Variants in ANO6 observed in about 807,000 individuals in gnomAD.
ANO6 encodes the protein anoctamin 6, also known as anoctamin-6.
ANO6 carries 106 observed loss-of-function variants against 117.5 expected under a neutral mutation model. The observed-to-expected ratio is 0.90, with a 90% CI of 0.77 to 1.06. The LOEUF (loss-of-function observed/expected upper bound fraction) is 1.06. Among genes scored for constraint, ANO6 ranks in the 50% least tolerant of loss-of-function variants. The pLI is 0.00. For missense variants in ANO6, 955 were observed against 1,121.1 expected (o/e 0.85, Z 2.12); for synonymous variants, 367 against 385.1 (o/e 0.95, Z 0.55).
rs1242330284 is a variant in ANO6 at position 45,429,280 on chromosome 12, T to G, written c.2702T>G (p.Val901Gly). 1 of 1,613,608 alleles carries G rather than the reference T, an allele frequency of 6.2e-7. No homozygotes were observed. The highest frequency in any genetic ancestry group is 8.5e-7 in the Non-Finnish European group (1 of 1,179,848). Residue 901 changes from valine to glycine, a missense_variant, in exon 20 of 20, where the codon GTA becomes GGA. Physicochemically the swap from Val to Gly is moderately radical, Grantham distance 109. Coordinates refer to ENST00000320560, the MANE Select transcript of ANO6 (RefSeq NM_001025356.3). ...GVIAERMIEA[V>G]DNNLRPKSE ...ATAGCTGAGCGGATGATAGAAGCAG[T>G]AGATAACAATTTACGGCCAAAATCA...
At chr12:45,392,962 C>T (rs1237099539) in intron 12 of ANO6, among the ~76,000 whole-genome samples, 3 of 152,194 alleles carry the variant, frequency 2.0e-5, no homozygotes, top group Non-Finnish European at 4.4e-5. Context: ...CAGCTCCTCG[C>T]CAGCAACGGA....
At chr12:45,407,831 T>A (rs1471284039) in intron 15 of ANO6, among the ~76,000 whole-genome samples, 2 of 152,178 alleles carry the variant, frequency 1.3e-5, no homozygotes, top group Admixed American at 1.3e-4. Context: ...TCACCCCGTT[T>A]TATTTTTTTA....
intron 15 of ANO6, among the ~76,000 whole-genome samples, chr12:45,406,339 G>A (rs1942934540): frequency 6.6e-6 from 1 of 152,192 alleles, no homozygotes; most frequent in South Asian, 2.1e-4. Flanking sequence ...CCACCTTAGT[G>A]TTTTGATATT....
intron 3 of ANO6, among the ~76,000 whole-genome samples, chr12:45,331,768 TAAC>T (rs760199974): frequency 1.3e-5 from 2 of 152,218 alleles, no homozygotes; most frequent in African/African-American, 2.4e-5. Flanking sequence ...ACAAGTGTAA[TAAC>T]AACTAGCTTT....
At chr12:45,413,438 A>C (rs1943136639) in intron 16 of ANO6, among the ~76,000 whole-genome samples, 1 of 152,262 alleles carries the variant, frequency 6.6e-6, no homozygotes, top group African/African-American at 2.4e-5. Flanking sequence ...GGATATTTTT[A>C]GCATGAAAAC....
At chr12:45,294,920 A>G (rs1939235915) in intron 1 of ANO6, among the ~76,000 whole-genome samples, 1 of 152,232 alleles carries the variant, frequency 6.6e-6, no homozygotes, top group Non-Finnish European at 1.5e-5. Flanking sequence ...GAAGTGAAAA[A>G]TTATGATAGC....
exon 20 of ANO6, chr12:45,439,777 G>A (rs1592065435): frequency 4.5e-6 from 7 of 1,548,296 alleles, no homozygotes; most frequent in Non-Finnish European, 6.1e-6. Context: ...GTTTGTCGAT[G>A]AAATTAGACT....
intron 2 of ANO6, among the ~76,000 whole-genome samples, chr12:45,328,366 T>C (rs933002430): frequency 2.0e-4 from 30 of 152,260 alleles, no homozygotes; most frequent in South Asian, 6.2e-4. Context: ...TTCTTGGCAC[T>C]TTTTTGGCTC....
intron 1 of ANO6, among the ~76,000 whole-genome samples, chr12:45,225,549 C>A (rs1389491417): frequency 6.6e-6 from 1 of 151,574 alleles, no homozygotes; most frequent in East Asian, 1.9e-4. Context: ...AGTGCAGTGG[C>A]AAGATCTGGG....
intron 9 of ANO6, among the ~76,000 whole-genome samples, chr12:45,374,637 T>G (rs1941950897): frequency 8.1e-6 from 1 of 123,934 alleles, no homozygotes; most frequent in Non-Finnish European, 1.7e-5. Flanking sequence ...GAAAAGGCCT[T>G]TGACAAAATT....
At chr12:45,259,053 A>C (rs1937934594) in intron 1 of ANO6, among the ~76,000 whole-genome samples, 1 of 152,164 alleles carries the variant, frequency 6.6e-6, no homozygotes, top group South Asian at 2.1e-4. Context: ...CATTATTTTC[A>C]TTTAAGAGGT....
intron 3 of ANO6, among the ~76,000 whole-genome samples, chr12:45,337,352 T>C (rs1002866271): frequency 8.5e-5 from 13 of 152,086 alleles, no homozygotes; most frequent in Admixed American, 7.9e-4. Flanking sequence ...CAGCTGCCTG[T>C]GGTGTTCAGC....
chr12:45,326,923 G>A (rs1216173733), intron 2 of ANO6, among the ~76,000 whole-genome samples: 1 of 152,170 alleles, frequency 6.6e-6, no homozygotes, highest in East Asian at 1.9e-4. Context: ...CTCAGGTTGA[G>A]TGCTTACCTT....
At chr12:45,238,634 T>C (rs1030720855) in intron 1 of ANO6, among the ~76,000 whole-genome samples, 1 of 152,200 alleles carries the variant, frequency 6.6e-6, no homozygotes, top group African/African-American at 2.4e-5. Context: ...TCAAAGGGAA[T>C]GCTTCCAGTT....
chr12:45,393,686 A>G (rs1479762846), intron 12 of ANO6, among the ~76,000 whole-genome samples: 1 of 152,216 alleles, frequency 6.6e-6, no homozygotes, highest in Non-Finnish European at 1.5e-5. Context: ...GTGGGGGCCA[A>G]TATTCAACAT....
intron 1 of ANO6, among the ~76,000 whole-genome samples, chr12:45,266,805 AGT>A (rs57682251): frequency 0.44 from 63,517 of 145,440 alleles, 15,741 homozygotes; most frequent in Non-Finnish European, 0.57. Context: ...TCAAAAAACA[AGT>A]GTGTGTGTGT....
At chr12:45,262,224 A>G (rs1009205637) in intron 1 of ANO6, among the ~76,000 whole-genome samples, 1 of 152,200 alleles carries the variant, frequency 6.6e-6, no homozygotes, top group South Asian at 2.1e-4. Flanking sequence ...ATGCAAATGT[A>G]GTTTTATATG....
Position 45,431,233 on chromosome 12 carries a change from C to CTCTT in ANO6, c.*1926_*1929dup, listed in dbSNP as rs1286994833. On this transcript the variant is annotated 3_prime_UTR_variant, in exon 20 of 20. Coordinates refer to ENST00000320560, the MANE Select transcript of ANO6 (RefSeq NM_001025356.3). Reference sequence around the variant, plus strand: ...ATGAATTTCTTCCCACTGAAGGAAACTCTTTCTCATTCGCAGCCAAGACGG... The same window carrying CTCTT: ...ATGAATTTCTTCCCACTGAAGGAAACTCTTTCTTTCTCATTCGCAGCCAAGACGG... The CTCTT allele has an allele frequency of 3.0e-6, 3 of 985,254 alleles. No homozygotes were observed. The African/African-American group carries it at 5.2e-5, about 17-fold the overall frequency. 61.0% of individuals were successfully genotyped at this position (985,254 alleles called of 1,614,324 possible).
intron 1 of ANO6, among the ~76,000 whole-genome samples, chr12:45,240,658 C>T (rs1947728104): frequency 6.6e-6 from 1 of 152,050 alleles, no homozygotes; most frequent in Admixed American, 6.6e-5. Context: ...ATGGTCTTTA[C>T]AATTTGGCAT....
Sources: allele counts gnomAD v4.1 joint callset (sites outside exome capture counted in the v4.1 genomes callset), GRCh38; gene constraint gnomAD v4.1.1; transcripts MANE v1.5; gene names NCBI Gene and HGNC (gene_info 2026-07-23, HGNC 2026-07-21).